Variants in DLEC1 observed in about 807,000 individuals in gnomAD.
DLEC1 encodes DLEC1 cilia and flagella associated protein.
A neutral mutation model predicts 198.1 loss-of-function variants in DLEC1; 146 were observed. The ratio of observed to expected loss-of-function variants is 0.74; its 90% CI spans 0.64 to 0.85. The LOEUF is 0.85. Ranked by LOEUF, DLEC1 falls within the 40% of genes least tolerant of loss-of-function variation. The pLI, the probability that DLEC1 is intolerant of heterozygous loss-of-function variation, is 0.00. For missense variants in DLEC1, 2,233 were observed against 2,220.0 expected, an observed-to-expected ratio of 1.01 and a Z score of -0.12; for synonymous variants, 897 against 866.8, an observed-to-expected ratio of 1.03 and a Z score of -0.61.
At chr3:38,074,370 G>T (rs1005628213) in intron 6 of DLEC1, among the ~76,000 whole-genome samples, 2 of 152,214 alleles carry the variant, frequency 1.3e-5, no homozygotes. Flanking sequence ...TTTTCCTAAT[G>T]TCAGGAGTGG....
intron 16 of DLEC1, 53 bp from the exon 17 acceptor site, chr3:38,097,454 A>G: frequency 1.2e-6 from 2 of 1,606,654 alleles, no homozygotes; most frequent in Admixed American, 1.7e-5. Flanking sequence ...CAATCATAGG[A>G]GGAAACTGCC....
At chr3:38,121,030 C>T (rs1271793818) in intron 34 of DLEC1, among the ~76,000 whole-genome samples, 2 of 151,262 alleles carry the variant, frequency 1.3e-5, no homozygotes, top group African/African-American at 4.9e-5. Flanking sequence ...TGGACCAGGT[C>T]ACCAGGCCGT....
At chr3:38,079,402 A>T (rs987601119) in intron 6 of DLEC1, among the ~76,000 whole-genome samples, 7 of 152,166 alleles carry the variant, frequency 4.6e-5, no homozygotes, top group African/African-American at 1.7e-4. Context: ...GGCCCTTGAA[A>T]ATAAGGTAAT....
intron 9 of DLEC1, 103 bp from the exon 10 acceptor site, chr3:38,088,193 C>T: frequency 9.8e-7 from 1 of 1,016,260 alleles, no homozygotes. Context: ...TCCTTAAGTT[C>T]CTTCACATTG....
Position 38,109,529 on chromosome 3 carries a change from C to T in DLEC1, c.3227C>T (p.Ala1076Val). 6.2e-7 allele frequency: 1 copy of T among 1,614,208 alleles called. No individual in the cohort carries two copies. The highest frequency in any genetic ancestry group is 8.5e-7 in the Non-Finnish European group (1 of 1,180,032). Residue 1076 changes from alanine to valine, a missense_variant, in exon 22 of 37, where the codon GCC (alanine) becomes GTC (valine). Physicochemically the swap from Ala to Val is moderately conservative, Grantham distance 64. Coordinates refer to ENST00000308059, the MANE Select transcript of DLEC1 (RefSeq NM_007335.4). Reference sequence around the variant, plus strand: ...GGGAAGCCCCAGGGACTGCAAGTGGCCATTACCATCTCTAAGGAGAGCTCT... The same window carrying T: ...GGGAAGCCCCAGGGACTGCAAGTGGTCATTACCATCTCTAAGGAGAGCTCT... ...ISGKPQGLQV[A>V]ITISKESSDC...
rs756411902 is a variant in DLEC1, at chr3:38,117,855, C to G, written c.4535C>G (p.Thr1512Arg). ...TTHHLKLTNTTEIPHYFRLMV... is the reference protein window; with the variant it reads ...TTHHLKLTNTREIPHYFRLMV... ...CACCACCTGAAGCTGACCAACACTACAGAGATCCCACACTACTTCCGGCTT... is the reference window on the plus strand; with the variant it reads ...CACCACCTGAAGCTGACCAACACTAGAGAGATCCCACACTACTTCCGGCTT... The change falls in exon 33 of 37, where the codon ACA becomes AGA. Residue 1512 changes from threonine to arginine, a missense_variant. Transcript: ENST00000308059. The G allele has an allele frequency of 6.2e-7, 1 of 1,614,168 alleles. No individual in the cohort carries two copies. Among genetic ancestry groups the G allele is most frequent in the East Asian group, 2.2e-5 (1 of 44,886 alleles).
At chr3:38,055,536 T>C (rs13066673) in intron 2 of DLEC1, among the ~76,000 whole-genome samples, 47,851 of 151,530 alleles carry the variant, frequency 0.32, 7,795 homozygotes, top group East Asian at 0.55. Context: ...AGAATCTGCT[T>C]ATGGTAAAGG....
At chr3:38,114,533 C>T (rs1343611481) in intron 26 of DLEC1, 73 bp downstream of exon 26, 14 of 1,473,878 alleles carry the variant, frequency 9.5e-6, no homozygotes, top group African/African-American at 2.8e-5. Context: ...GCTGGGCTGC[C>T]CACGTTGGCT....
chr3:38,047,506 G>A (rs900415169), intron 2 of DLEC1, among the ~76,000 whole-genome samples: 3 of 152,096 alleles, frequency 2.0e-5, no homozygotes, highest in African/African-American at 7.2e-5. Context: ...TGTTCTTAGG[G>A]GGCAATTAAC....
At chr3:38,102,897 C>G (rs1165369378) in intron 19 of DLEC1, among the ~76,000 whole-genome samples, 1 of 152,206 alleles carries the variant, frequency 6.6e-6, no homozygotes, top group East Asian at 1.9e-4. Context: ...ACTGCAGGCT[C>G]TGCCCTGGCC....
rs140500932 is a variant in DLEC1, at chr3:38,112,416, C to T, written c.3666+55C>T. 32 of 1,596,436 alleles carry T rather than the reference C, an allele frequency of 2.0e-5. No homozygotes were observed. In the East Asian group the frequency reaches 2.9e-4, roughly 15 times the overall value. The stretch of plus-strand genomic sequence containing the variant: ...GGGGGTGGAGAGTCTGCCCAGCCCT[C>T]GCCTTCAGCCTCTCTCCCCTCCAAC... On this transcript the variant is annotated intron_variant, in intron 25 of 36. Transcript: ENST00000308059. The surrounding 1 kb of genome is among the most constrained non-coding windows in gnomAD (Gnocchi z 4.8).
intron 10 of DLEC1, among the ~76,000 whole-genome samples, chr3:38,092,187 G>C (rs570171875): frequency 3.3e-5 from 5 of 152,294 alleles, no homozygotes; most frequent in African/African-American, 1.2e-4. Context: ...AAGAAAATGA[G>C]GTATATGTAC....
rs548068923 is a variant in DLEC1, at chr3:38,096,028, G to A, written c.2171+82G>A. The A allele has an allele frequency of 9.6e-5, 147 of 1,535,118 alleles. No individual in the cohort carries two copies. In the African/African-American group the frequency reaches 1.5e-3, roughly 16 times the overall value. On this transcript the variant is annotated intron_variant, in intron 14 of 36. Transcript: ENST00000308059. ...GGGGTTCTCCTGGGGAAGGTATCAG[G>A]TGAGGGGGAGTGGGCAGCCTGGTCC...
intron 18 of DLEC1, among the ~76,000 whole-genome samples, chr3:38,099,498 GGTTT>G (rs1197007503): frequency 6.6e-6 from 1 of 152,126 alleles, no homozygotes; most frequent in East Asian, 1.9e-4. Context: ...TGGGATTTGG[GGTTT>G]GTTAGATGGT....
chr3:38,115,093 G>C, intron 27 of DLEC1, 40 bp downstream of exon 27: 4 of 1,610,788 alleles, frequency 2.5e-6, no homozygotes, highest in Non-Finnish European at 3.4e-6. Flanking sequence ...CTTGCCACAG[G>C]CTGTGCCTTG....
rs150624266 is a variant in DLEC1 at position 38,041,615 on chromosome 3, G to A, written c.411+1979G>A. Reference sequence around the variant, plus strand: ...TATAATCCCAGCACTTTGGGAGGCCGAGGCGGGCAGATCACGAGGTCAGAA... The same window carrying A: ...TATAATCCCAGCACTTTGGGAGGCCAAGGCGGGCAGATCACGAGGTCAGAA... On this transcript the variant is annotated intron_variant, in intron 1 of 36. Coordinates refer to ENST00000308059, the MANE Select transcript of DLEC1 (RefSeq NM_007335.4). 6.2e-3 allele frequency among the ~76,000 whole-genome samples: 942 copies of A among 151,986 alleles called. 11 individuals carry two copies. Among genetic ancestry groups the A allele is most frequent in the African/African-American group, 0.022 (907 of 41,450 alleles).
chr3:38,045,565 G>A lies in DLEC1; in HGVS notation c.434G>A (p.Arg145Gln), dbSNP rs755186945. 46 of 1,613,548 alleles carry A rather than the reference G, an allele frequency of 2.9e-5. No homozygotes were observed. The highest frequency in any genetic ancestry group is 3.4e-5 in the Non-Finnish European group (40 of 1,179,888). ...CAGATTCGGGAGCTCTATAAGCAGC[G>A]GCTGGATGAGTTTGAAATGTTGGAG... ...LQQIRELYKQ[R>Q]LDEFEMLERH... is the part of the protein sequence containing the mutation. Residue 145 changes from arginine to glutamine, a missense_variant, in exon 2 of 37, where the codon CGG becomes CAG. Coordinates refer to ENST00000308059, the MANE Select transcript of DLEC1 (RefSeq NM_007335.4).
chr3:38,061,518 A>G (rs1215399437), intron 3 of DLEC1, among the ~76,000 whole-genome samples: 1 of 152,206 alleles, frequency 6.6e-6, no homozygotes, highest in East Asian at 1.9e-4. Flanking sequence ...TAAAAAGCTC[A>G]TACAAACTTT....
intron 19 of DLEC1, among the ~76,000 whole-genome samples, chr3:38,105,133 G>T (rs1699503706): frequency 6.6e-6 from 1 of 151,954 alleles, no homozygotes; most frequent in Non-Finnish European, 1.5e-5. Flanking sequence ...TTTCTAATTT[G>T]ATTCTATTGT....
Sources: allele counts gnomAD v4.1 joint callset (sites outside exome capture counted in the v4.1 genomes callset), GRCh38; gene constraint gnomAD v4.1.1; non-coding constraint Gnocchi (gnomAD v3.1); transcripts MANE v1.5; gene names NCBI Gene and HGNC (gene_info 2026-07-23, HGNC 2026-07-21).